SCAPER: variants seen among roughly 807,000 people sequenced by gnomAD.
SCAPER encodes S phase cyclin A-associated protein in the endoplasmic reticulum.
A neutral mutation model predicts 182.2 loss-of-function variants in SCAPER; 98 were observed. The ratio of observed to expected loss-of-function variants is 0.54; its 90% confidence interval spans 0.46 to 0.64. The LOEUF (loss-of-function observed/expected upper bound fraction) is 0.64. Ranked by LOEUF, SCAPER falls within the 30% of genes least tolerant of loss-of-function variation. The pLI is 0.00. For synonymous variants in SCAPER, 605 were observed against 564.6 expected (o/e 1.07, Z -1.01); for missense variants, 1,432 against 1,690.0 (o/e 0.85, Z 2.68).
intron 21 of SCAPER, among the ~76,000 whole-genome samples, chr15:76,630,272 GA>G (rs2052982639): frequency 6.6e-6 from 1 of 152,060 alleles, no homozygotes; most frequent in South Asian, 2.1e-4. Context: ...CTGAGTTTTT[GA>G]AGGATTTTTC....
chr15:76,736,912 A>G (rs2061302027), intron 15 of SCAPER: 2 of 155,660 alleles, frequency 1.3e-5, no homozygotes, highest in East Asian at 1.9e-4. Flanking sequence ...TTGTCATAAG[A>G]CTGCAGCAAT....
chr15:76,539,545 C>CT (rs36086361), intron 23 of SCAPER, among the ~76,000 whole-genome samples: 58,258 of 119,390 alleles, frequency 0.49, 15,814 homozygotes, highest in Non-Finnish European at 0.57. Flanking sequence ...ATCAAAATTT[C>CT]TTTTTTTTTT....
chr15:76,825,874 A>G (rs1235126403), intron 5 of SCAPER, among the ~76,000 whole-genome samples: 3 of 152,118 alleles, frequency 2.0e-5, no homozygotes, highest in South Asian at 4.1e-4. Flanking sequence ...CCTCCCAAGT[A>G]GCTGGGACTA....
intron 7 of SCAPER, among the ~76,000 whole-genome samples, chr15:76,795,918 G>T (rs895150184): frequency 6.6e-6 from 1 of 152,058 alleles, no homozygotes; most frequent in African/African-American, 2.4e-5. Context: ...AAAATTAGCT[G>T]GGCGCGGTGG....
intron 25 of SCAPER, among the ~76,000 whole-genome samples, chr15:76,459,592 T>C (rs138247338): frequency 1.6e-4 from 24 of 151,630 alleles, no homozygotes; most frequent in African/African-American, 5.6e-4. Flanking sequence ...GCTTGTTGGA[T>C]GAATAGTTTG....
At chr15:76,435,014 C>A (rs555703673) in intron 25 of SCAPER, among the ~76,000 whole-genome samples, 1 of 152,336 alleles carries the variant, frequency 6.6e-6, no homozygotes, top group Admixed American at 6.5e-5. Flanking sequence ...AATGTACTTA[C>A]TTGGTGACAA....
chr15:76,724,502 A>T (rs1362015689), intron 17 of SCAPER, among the ~76,000 whole-genome samples: 3 of 152,122 alleles, frequency 2.0e-5, no homozygotes, highest in African/African-American at 7.2e-5. Flanking sequence ...GTTCTGCTGG[A>T]TAATATCCTG....
chr15:76,686,478 C>G (rs185766617), intron 20 of SCAPER, among the ~76,000 whole-genome samples: 1 of 151,940 alleles, frequency 6.6e-6, no homozygotes, highest in African/African-American at 2.4e-5. Context: ...ATTGGTGCAA[C>G]CAATTAGAAA....
chr15:76,899,389 C>CCTGGCCTCGGATGAACTG (rs1319449473), intron 1 of SCAPER, among the ~76,000 whole-genome samples: 1 of 152,244 alleles, frequency 6.6e-6, no homozygotes, highest in Admixed American at 6.5e-5. Flanking sequence ...GTCTCCAGCT[C>CCTGGCCTCGGATGAACTG]CTGGCCTCGG....
intron 20 of SCAPER, among the ~76,000 whole-genome samples, chr15:76,671,002 T>C (rs1011485675): frequency 1.3e-5 from 2 of 152,152 alleles, no homozygotes; most frequent in African/African-American, 4.8e-5. Flanking sequence ...GGGAGTGGTT[T>C]AGTAAATTAT....
intron 20 of SCAPER, among the ~76,000 whole-genome samples, chr15:76,693,313 T>C (rs552660850): frequency 1.6e-3 from 250 of 152,282 alleles, no homozygotes; most frequent in Non-Finnish European, 2.9e-3. Context: ...TTTGGATGGC[T>C]GCTATTAAAA....
At chr15:76,442,615 C>T (rs1256486990) in intron 25 of SCAPER, among the ~76,000 whole-genome samples, 1 of 152,070 alleles carries the variant, frequency 6.6e-6, no homozygotes, top group Non-Finnish European at 1.5e-5. Context: ...AAGCTAGGTC[C>T]CCTTATACAT....
intron 23 of SCAPER, among the ~76,000 whole-genome samples, chr15:76,537,179 G>A (rs1206573410): frequency 6.6e-6 from 1 of 150,904 alleles, no homozygotes; most frequent in Non-Finnish European, 1.5e-5. Context: ...TCCCCATCAA[G>A]CTACCGATGA....
rs113214828 is a variant in SCAPER at position 76,607,369 on chromosome 15, T to C, written c.2711+14395A>G. 7.9e-3 allele frequency among the ~76,000 whole-genome samples: 1,203 copies of C among 152,292 alleles called. 11 individuals are homozygous for C. Among genetic ancestry groups the C allele is most frequent in the African/African-American group, 0.027 (1,140 of 41,546 alleles). On this transcript the variant is annotated intron_variant, in intron 22 of 31. Transcript: ENST00000563290. Reference sequence around the variant, plus strand: ...CCCCACTCTCTTCTGGCTTGTAGAGTTTCTGCTGAGAGATCAGCTGTTCAT... The same window carrying C: ...CCCCACTCTCTTCTGGCTTGTAGAGCTTCTGCTGAGAGATCAGCTGTTCAT...
intron 26 of SCAPER, 97 bp downstream of exon 26, chr15:76,433,981 G>T (rs1249819804): frequency 2.0e-6 from 2 of 993,710 alleles, no homozygotes; most frequent in Non-Finnish European, 2.9e-6. Flanking sequence ...GAATGGCATT[G>T]TGAGAACCAC....
chr15:76,747,748 T>C (rs1245748762), intron 15 of SCAPER, among the ~76,000 whole-genome samples: 3 of 152,130 alleles, frequency 2.0e-5, no homozygotes, highest in Non-Finnish European at 4.4e-5. Context: ...GATCTGCACA[T>C]GCTGGCTCTC....
intron 9 of SCAPER, chr15:76,774,259 A>G (rs928952915): frequency 3.9e-6 from 1 of 254,040 alleles, no homozygotes; most frequent in Admixed American, 5.8e-5. Context: ...GACAAAGGAC[A>G]ATGTACAAAA....
At chr15:76,797,488 T>C (rs1323495773) in intron 7 of SCAPER, 2 of 152,152 alleles carry the variant, frequency 1.3e-5, no homozygotes, top group Admixed American at 6.5e-5. Flanking sequence ...CACACACATA[T>C]GCAGGTTGTG....
At chr15:76,450,689 G>A (rs574860480) in intron 25 of SCAPER, among the ~76,000 whole-genome samples, 1 of 152,204 alleles carries the variant, frequency 6.6e-6, no homozygotes, top group South Asian at 2.1e-4. Flanking sequence ...GAGTAGCTGG[G>A]ATTACAGGCA....
Sources: gnomAD v4.1 joint callset for allele counts (sites outside exome capture counted in the v4.1 genomes callset) on GRCh38, gnomAD v4.1.1 for gene constraint, MANE v1.5 for transcripts, NCBI Gene and HGNC (gene_info 2026-07-23, HGNC 2026-07-21) for gene names.